Variants in TCF12 observed in about 807,000 individuals in gnomAD.
TCF12 encodes the protein DNA-binding protein HTF4.
A neutral mutation model predicts 86.0 loss-of-function variants in TCF12; 45 were observed. The ratio of observed to expected loss-of-function variants is 0.52; its 90% CI spans 0.41 to 0.67. The LOEUF is 0.67. Among genes scored for constraint, TCF12 ranks in the 30% least tolerant of loss-of-function variants. The probability of loss-of-function intolerance (pLI) is 0.00; values close to 1 mark genes in which losing one functional copy is unlikely to be tolerated. For missense variants in TCF12, 881 were observed against 859.9 expected (o/e 1.02, Z -0.31); for synonymous variants, 330 against 299.6 (o/e 1.10, Z -1.05).
chr15:57,012,728 C>G (rs2064907119), intron 3 of TCF12, among the ~76,000 whole-genome samples: 1 of 152,148 alleles, frequency 6.6e-6, no homozygotes, highest in Non-Finnish European at 1.5e-5. Context: ...TGGTTGTGGG[C>G]TGCCCTGGGA....
intron 5 of TCF12, among the ~76,000 whole-genome samples, chr15:57,092,390 T>C (rs1442581929): frequency 6.6e-6 from 1 of 152,212 alleles, no homozygotes; most frequent in Non-Finnish European, 1.5e-5. Flanking sequence ...TAGGACTTTT[T>C]TGAAGTTTTG....
intron 8 of TCF12, among the ~76,000 whole-genome samples, chr15:57,198,522 G>C (rs571834476): frequency 1.3e-5 from 2 of 152,248 alleles, no homozygotes; most frequent in East Asian, 3.9e-4. Flanking sequence ...AATACTGTAG[G>C]GGCGACTGTG....
At chr15:56,999,101 G>A (rs1268479181) in intron 3 of TCF12, among the ~76,000 whole-genome samples, 1 of 152,020 alleles carries the variant, frequency 6.6e-6, no homozygotes, top group Non-Finnish European at 1.5e-5. Context: ...GGGAGGCTGA[G>A]GCAGGAGAAT....
intron 6 of TCF12, among the ~76,000 whole-genome samples, chr15:57,173,128 T>C (rs2055646977): frequency 6.6e-6 from 1 of 152,044 alleles, no homozygotes; most frequent in African/African-American, 2.4e-5. Flanking sequence ...AAACACCAGA[T>C]GTTCAGAAGT....
intron 3 of TCF12, among the ~76,000 whole-genome samples, chr15:56,985,167 ACAATGCTTTTT>A (rs2063122063): frequency 6.6e-6 from 1 of 152,214 alleles, no homozygotes; most frequent in Non-Finnish European, 1.5e-5. Flanking sequence ...CAGTGCTTCT[ACAATGCTTTTT>A]CTCCAATCCC....
chr15:57,077,601 A>AT (rs1255595703), intron 4 of TCF12, among the ~76,000 whole-genome samples: 36 of 147,608 alleles, frequency 2.4e-4, no homozygotes, highest in East Asian at 7.9e-4. Context: ...TAATTTGTAT[A>AT]TTTTTTTTTT....
chr15:57,262,878 A>G (rs1433063747), intron 17 of TCF12, among the ~76,000 whole-genome samples: 1 of 152,186 alleles, frequency 6.6e-6, no homozygotes, highest in African/African-American at 2.4e-5. Flanking sequence ...TGAGCATTAA[A>G]TTGGTCATGG....
At chr15:57,018,561 C>T (rs2065285750) in intron 3 of TCF12, among the ~76,000 whole-genome samples, 1 of 151,992 alleles carries the variant, frequency 6.6e-6, no homozygotes, top group Non-Finnish European at 1.5e-5. Context: ...TTCTCGGGGT[C>T]AAGCCAGCCT....
chr15:57,200,277 C>T (rs2057474633), intron 8 of TCF12, among the ~76,000 whole-genome samples: 1 of 152,056 alleles, frequency 6.6e-6, no homozygotes, highest in Admixed American at 6.5e-5. Context: ...AAAGAAAATA[C>T]TTTAATAAAT....
chr15:56,920,130 A>T (rs1190667976), intron 2 of TCF12, 142 bp downstream of exon 2: 2 of 884,978 alleles, frequency 2.3e-6, no homozygotes, highest in East Asian at 2.7e-5. Flanking sequence ...CTTAAGCAGT[A>T]GTTCTCAGGG....
At chr15:56,977,245 A>G (rs913259413) in intron 3 of TCF12, among the ~76,000 whole-genome samples, 1 of 152,236 alleles carries the variant, frequency 6.6e-6, no homozygotes, top group African/African-American at 2.4e-5. Context: ...GTTTTTTTAA[A>G]TAAAAGGCCA....
At chr15:57,251,289 CACA>C in intron 13 of TCF12, 58 bp from the exon 14 acceptor site, 1 of 1,427,902 alleles carries the variant, frequency 7.0e-7, no homozygotes, top group Non-Finnish European at 9.9e-7. Flanking sequence ...CCCTTTCCTT[CACA>C]ACATTATCAA....
At chr15:57,175,518 A>T (rs1196539478) in intron 6 of TCF12, among the ~76,000 whole-genome samples, 1 of 152,220 alleles carries the variant, frequency 6.6e-6, no homozygotes, top group South Asian at 2.1e-4. Context: ...TCCACTTTGT[A>T]ACAAGATTAC....
intron 5 of TCF12, among the ~76,000 whole-genome samples, chr15:57,096,174 AAATAACT>A (rs1753423370): frequency 6.6e-6 from 1 of 152,186 alleles, no homozygotes; most frequent in Admixed American, 6.5e-5. Context: ...TTCCACAGTG[AAATAACT>A]TTGGACACCA....
intron 3 of TCF12, among the ~76,000 whole-genome samples, chr15:56,981,897 G>A (rs2062911688): frequency 1.3e-5 from 2 of 152,152 alleles, no homozygotes; most frequent in African/African-American, 4.8e-5. Context: ...TGCTGAGGAA[G>A]AGGAGAGGTT....
intron 8 of TCF12, among the ~76,000 whole-genome samples, chr15:57,224,243 G>C (rs2151886905): frequency 6.6e-6 from 1 of 152,200 alleles, no homozygotes; most frequent in South Asian, 2.1e-4. Context: ...TTTTTTTAAA[G>C]TAGGTAGGTA....
intron 4 of TCF12, among the ~76,000 whole-genome samples, chr15:57,078,712 A>G (rs1326135127): frequency 6.6e-6 from 1 of 152,230 alleles, no homozygotes; most frequent in Non-Finnish European, 1.5e-5. Context: ...AATGGGGGCT[A>G]AAAATCGAGA....
intron 5 of TCF12, among the ~76,000 whole-genome samples, chr15:57,134,900 T>TG (rs1294601860): frequency 6.7e-6 from 1 of 148,438 alleles, no homozygotes; most frequent in Admixed American, 6.7e-5. Context: ...TTTTTTTTTT[T>TG]GAATAGCTGT....
At chr15:57,269,664 A>G (rs1377223327) in intron 18 of TCF12, among the ~76,000 whole-genome samples, 3 of 151,986 alleles carry the variant, frequency 2.0e-5, no homozygotes, top group Admixed American at 6.6e-5. Context: ...TGGTCTTTAC[A>G]ATTTGGCATG....
Sources: gnomAD v4.1 joint callset for allele counts (sites outside exome capture counted in the v4.1 genomes callset) on GRCh38, gnomAD v4.1.1 for gene constraint, MANE v1.5 for transcripts, NCBI Gene and HGNC (gene_info 2026-07-23, HGNC 2026-07-21) for gene names.